Variants in B4GALNT3 observed in about 807,000 individuals in gnomAD.
B4GALNT3 encodes beta-1,4-N-acetylgalactosaminyltransferase 3.
Under a neutral mutation model 120.2 loss-of-function variants are expected in B4GALNT3, and 86 were observed. The observed-to-expected ratio is 0.72, with a 90% confidence interval of 0.60 to 0.86. The LOEUF (loss-of-function observed/expected upper bound fraction) is 0.86. Among genes scored for constraint, B4GALNT3 ranks in the 40% least tolerant of loss-of-function variants. The pLI is 0.00. For missense variants in B4GALNT3, 1,167 were observed against 1,298.9 expected (o/e 0.90, Z 1.56); for synonymous variants, 518 against 510.4 (o/e 1.01, Z -0.20).
At chr12:518,185 T>C (rs949854389) in intron 1 of B4GALNT3, among the ~76,000 whole-genome samples, 8 of 152,112 alleles carry the variant, frequency 5.3e-5, no homozygotes, top group African/African-American at 1.9e-4. Context: ...GGTCACAAGC[T>C]AAAAAGTGGC....
chr12:551,785 C>T (rs756097457), intron 11 of B4GALNT3, among the ~76,000 whole-genome samples: 4 of 151,896 alleles, frequency 2.6e-5, no homozygotes, highest in Admixed American at 6.6e-5. Context: ...AGCTGAGGGA[C>T]GGGAGCTGGT....
At chr12:469,379 C>T (rs1311176000) in intron 1 of B4GALNT3, among the ~76,000 whole-genome samples, 1 of 152,182 alleles carries the variant, frequency 6.6e-6, no homozygotes, top group Non-Finnish European at 1.5e-5. Context: ...TCCTCCCTCT[C>T]AGTCTGATAG....
In B4GALNT3 at chr12:552,065, T is replaced by C; in HGVS notation, c.1110T>C (p.Val370=). 1 of 1,600,222 alleles carries C rather than the reference T, an allele frequency of 6.2e-7. No homozygotes were observed. The highest frequency in any genetic ancestry group is 2.2e-5 in the East Asian group (1 of 44,790). Reference sequence around the variant, plus strand: ...GCTGCTGATTTTTCCACTTCCAGGTTCATCTGTCTTTTGTTTACCCCAATG... The same window carrying C: ...GCTGCTGATTTTTCCACTTCCAGGTCCATCTGTCTTTTGTTTACCCCAATG... ...PLQRYQGLRF[V]HLSFVYPNDY... is the part of the protein sequence containing the mutation. The change falls in exon 12 of 20, where the codon GTT becomes GTC. Residue 370 remains valine, a splice_region_variant and synonymous_variant. Transcript: ENST00000266383.
intron 1 of B4GALNT3, among the ~76,000 whole-genome samples, chr12:493,591 GGTT>G (rs1340310760): frequency 2.5e-4 from 8 of 32,494 alleles, no homozygotes; most frequent in Non-Finnish European, 3.1e-4. Context: ...GAAATATAAT[GGTT>G]TTTTTTTTTT....
At chr12:476,743 T>C (rs1218849031) in intron 1 of B4GALNT3, among the ~76,000 whole-genome samples, 2 of 152,252 alleles carry the variant, frequency 1.3e-5, no homozygotes, top group East Asian at 3.8e-4. Flanking sequence ...CCTCTGTCCC[T>C]GTTTTGATTG....
rs1947031563 is a variant in B4GALNT3 at position 548,134 on chromosome 12, C to T, written c.786+32C>T. 6.2e-7 allele frequency: 1 copy of T among 1,611,136 alleles called. No individual in the cohort carries two copies. The highest frequency in any genetic ancestry group is 1.3e-5 in the African/African-American group (1 of 74,878). On this transcript the variant is annotated intron_variant, in intron 8 of 19. Coordinates refer to ENST00000266383, the MANE Select transcript of B4GALNT3 (RefSeq NM_173593.4). This position sits in a 1 kb window ranked among gnomAD's most constrained non-coding sequence, Gnocchi z 4.9. ...TTCCTGCTGCTCCCGCCTCTCCCAGCTCAGTTCCTGGCACTCATCTCCCCT... is the reference window on the plus strand; with the variant it reads ...TTCCTGCTGCTCCCGCCTCTCCCAGTTCAGTTCCTGGCACTCATCTCCCCT...
At chr12:498,288 TC>T (rs1294246881) in intron 1 of B4GALNT3, among the ~76,000 whole-genome samples, 9 of 152,042 alleles carry the variant, frequency 5.9e-5, no homozygotes, top group Non-Finnish European at 1.3e-4. Context: ...ATGCTATCCC[TC>T]CCCAGCTACC....
intron 1 of B4GALNT3, among the ~76,000 whole-genome samples, chr12:518,082 A>C (rs983783692): frequency 1.3e-5 from 2 of 152,214 alleles, no homozygotes; most frequent in African/African-American, 4.8e-5. Context: ...TTGGAAATTA[A>C]TTCATTCATT....
At chr12:559,165 C>G (rs1247939850) in intron 18 of B4GALNT3, 130 bp from the exon 19 acceptor site, 2 of 1,245,168 alleles carry the variant, frequency 1.6e-6, no homozygotes, top group Non-Finnish European at 2.3e-6. Context: ...TCAGCTAAGA[C>G]AGTTTTCAGC....
At chr12:526,772 T>A (rs1205255881) in intron 1 of B4GALNT3, among the ~76,000 whole-genome samples, 1 of 152,166 alleles carries the variant, frequency 6.6e-6, no homozygotes, top group Non-Finnish European at 1.5e-5. Flanking sequence ...TCTGATCAAA[T>A]TCGTGGCTTG....
chr12:549,727 C>T, intron 9 of B4GALNT3, 42 bp from the exon 10 acceptor site: 5 of 1,612,848 alleles, frequency 3.1e-6, no homozygotes, highest in Non-Finnish European at 4.2e-6. Flanking sequence ...TGCTGCGCTC[C>T]AGGCCACACA....
chr12:517,011 G>T (rs1946664077), intron 1 of B4GALNT3, among the ~76,000 whole-genome samples: 1 of 152,190 alleles, frequency 6.6e-6, no homozygotes, highest in South Asian at 2.1e-4. Context: ...TGGTTGGAAG[G>T]CTGGAGTTGT....
intron 1 of B4GALNT3, among the ~76,000 whole-genome samples, chr12:521,709 T>G (rs1300662194): frequency 6.6e-6 from 1 of 152,218 alleles, no homozygotes; most frequent in East Asian, 1.9e-4. Context: ...ACGATTCCAC[T>G]GACACGTTGA....
chr12:561,323 CTG>C lies in B4GALNT3; in HGVS notation c.2889-16_2889-15del. The C allele has an allele frequency of 6.3e-7, 1 of 1,595,720 alleles. No individual in the cohort carries two copies. The highest frequency in any genetic ancestry group is 2.2e-5 in the East Asian group (1 of 44,790). On this transcript the variant is annotated intron_variant, in intron 19 of 19. Transcript: ENST00000266383. ...GCCTTCTGTGCTTCTGTTGGCTCAT[CTG>C]TGTTTCTCCTCCTCCAGGATACTCC...
intron 1 of B4GALNT3, among the ~76,000 whole-genome samples, chr12:464,594 T>C (rs1414470158): frequency 6.6e-6 from 1 of 151,756 alleles, no homozygotes; most frequent in East Asian, 1.9e-4. Flanking sequence ...ATTGCACCAC[T>C]GTACTCCAGC....
chr12:542,704 G>T (rs1946931727), intron 3 of B4GALNT3, among the ~76,000 whole-genome samples: 1 of 152,198 alleles, frequency 6.6e-6, no homozygotes, highest in Non-Finnish European at 1.5e-5. Flanking sequence ...GGAGCCCTCT[G>T]CTCAGGGCCT....
intron 1 of B4GALNT3, among the ~76,000 whole-genome samples, chr12:483,944 TA>T (rs751087103): frequency 2.0e-5 from 3 of 152,082 alleles, no homozygotes; most frequent in Admixed American, 6.6e-5. Flanking sequence ...TGGGGTGGGA[TA>T]GGGGAGAAAA....
Position 556,646 on chromosome 12 carries a change from G to C in B4GALNT3, c.2160G>C (p.Gln720His). The change falls in exon 15 of 20, where the codon CAG (glutamine) becomes CAC (histidine). Residue 720 changes from glutamine to histidine, a missense_variant. Coordinates refer to ENST00000266383, the MANE Select transcript of B4GALNT3 (RefSeq NM_173593.4). ...AGCTTGAACTGTTGGAACAAGGCCA[G>C]CGCGTGGTGCGGCTCTCGGAGTATG... ...LLELELLEQG[Q>H]RVVRLSEYVS... is the part of the protein sequence containing the mutation. 1 of 1,614,056 alleles carries C rather than the reference G, an allele frequency of 6.2e-7. No homozygotes were observed. Among genetic ancestry groups the C allele is most frequent in the Non-Finnish European group, 8.5e-7 (1 of 1,180,050 alleles).
At chr12:552,947 T>G in intron 13 of B4GALNT3, 1 of 560,858 alleles carries the variant, frequency 1.8e-6, no homozygotes, top group Non-Finnish European at 3.1e-6. Flanking sequence ...GTGATGCCGT[T>G]TATCTCACTC....
Sources: gnomAD v4.1 joint callset for allele counts (sites outside exome capture counted in the v4.1 genomes callset) on GRCh38, gnomAD v4.1.1 for gene constraint, Gnocchi (gnomAD v3.1) non-coding constraint, MANE v1.5 for transcripts, NCBI Gene and HGNC (gene_info 2026-07-23, HGNC 2026-07-21) for gene names.